The following MDC1 variants were observed in gnomAD, a reference collection of about 807,000 sequenced individuals.
The protein encoded by MDC1 is mediator of DNA damage checkpoint 1.
Under a neutral mutation model 142.5 loss-of-function variants are expected in MDC1, and 81 were observed. The observed-to-expected ratio is 0.57, with a 90% CI of 0.47 to 0.68. The LOEUF (loss-of-function observed/expected upper bound fraction) is 0.68. Ranked by LOEUF, MDC1 falls within the 30% of genes least tolerant of loss-of-function variation. MDC1 has a pLI of 0.00. For missense variants in MDC1, 2,119 were observed against 2,547.9 expected (o/e 0.83, Z 3.62); for synonymous variants, 797 against 968.4 (o/e 0.82, Z 3.29).
At position 30,703,233 on chromosome 6, in the gene MDC1, C is replaced by T; in HGVS notation, c.5736G>A (p.Leu1912=). The T allele has an allele frequency of 6.2e-7, 1 of 1,613,112 alleles. No homozygotes were observed. Among genetic ancestry groups the T allele is most frequent in the Non-Finnish European group, 8.5e-7 (1 of 1,180,020 alleles). ...CCGCTGAACCAGCCAGACTTCCCCC[C>T]AGTGCCAGCACAGCCCGCTCTCCCC... ...DARGERAVLA[L]GGSLAGSAAE... is the part of the protein sequence containing the mutation. Residue 1912 remains leucine, a synonymous_variant, in exon 12 of 15, where the codon CTG becomes CTA. Transcript: ENST00000376406. The surrounding 1 kb of genome is among the most constrained non-coding windows in gnomAD (Gnocchi z 4.4).
chr6:30,703,076 G>A lies in MDC1; in HGVS notation c.5865+28C>T, dbSNP rs902674659. 1.9e-6 allele frequency: 3 copies of A among 1,603,842 alleles called. No individual in the cohort carries two copies. Among genetic ancestry groups the A allele is most frequent in the South Asian group, 2.2e-5 (2 of 90,108 alleles). ...ATATGAGCAGTCTTGCCACTATATCGGTCTGTCATCATCCCTTGGCCTCTC... is the reference window on the plus strand; with the variant it reads ...ATATGAGCAGTCTTGCCACTATATCAGTCTGTCATCATCCCTTGGCCTCTC... On this transcript the variant is annotated intron_variant, in intron 12 of 14. Coordinates refer to ENST00000376406, the MANE Select transcript of MDC1 (RefSeq NM_014641.3). The surrounding 1 kb of genome is among the most constrained non-coding windows in gnomAD (Gnocchi z 4.4).
At position 30,704,375 on chromosome 6, in the gene MDC1, C is replaced by T; in HGVS notation, c.4808G>A (p.Arg1603Lys). The stretch of plus-strand genomic sequence containing the variant: ...TGGCTCAGGGGTCTTGACAGAGGAC[C>T]TATTTGTCCTGCACCTAGTGGCCCG... ...TSRATRCRTN[R>K]SSVKTPEPVV... Residue 1603 changes from arginine (R) to lysine (K), a missense_variant, in exon 10 of 15, where the codon AGG (arginine) becomes AAG (lysine). Transcript: ENST00000376406. 3.7e-6 allele frequency: 6 copies of T among 1,612,282 alleles called. No homozygotes were observed. The highest frequency in any genetic ancestry group is 5.1e-6 in the Non-Finnish European group (6 of 1,179,540).
At chr6:30,711,358 A>G (rs994570628) in intron 7 of MDC1, 54 bp downstream of exon 7, 124 of 1,481,732 alleles carry the variant, frequency 8.4e-5, no homozygotes, top group Non-Finnish European at 1.2e-4. Flanking sequence ...GTGACAGAGG[A>G]AAAAAAAGAG....
In MDC1 at chr6:30,713,805, A is replaced by G; in HGVS notation, c.515T>C (p.Val172Ala). The G allele has an allele frequency of 6.2e-7, 1 of 1,613,616 alleles. No individual in the cohort carries two copies. Among genetic ancestry groups the G allele is most frequent in the Non-Finnish European group, 8.5e-7 (1 of 1,179,762 alleles). ...LLLAEDSEEE[V>A]DFLSERRMVK... ...TCCCTGCCAATATACAAACTTACCT[A>G]CTTCCTCCTCCGAGTCCTCAGCCAA... The change falls in exon 3 of 15, where the codon GTA becomes GCA. Residue 172 changes from valine (V) to alanine (A), a missense_variant and splice_region_variant. Coordinates refer to ENST00000376406, the MANE Select transcript of MDC1 (RefSeq NM_014641.3). This position sits in a 1 kb window ranked among gnomAD's most constrained non-coding sequence, Gnocchi z 4.9.
At chr6:30,700,941 C>T (rs376292550) in intron 14 of MDC1, among the ~76,000 whole-genome samples, 4 of 147,710 alleles carry the variant, frequency 2.7e-5, no homozygotes, top group African/African-American at 7.5e-5. Context: ...GGCGCGCTGA[C>T]GGGTGCCTGT....
Position 30,716,440 on chromosome 6 carries a change from G to A in MDC1, c.-4+805C>T, listed in dbSNP as rs1775680124. Among the ~76,000 whole-genome samples the A allele has an allele frequency of 6.6e-6, 1 of 152,112 alleles. No homozygotes were observed. Among genetic ancestry groups the A allele is most frequent in the Non-Finnish European group, 1.5e-5 (1 of 68,024 alleles). ...GGTTTCACCACGGTCTCGAGCTCCT[G>A]ACCTCAGGTGATCCGCCCACCTTGG... On this transcript the variant is annotated intron_variant, in intron 1 of 14. Coordinates refer to ENST00000376406, the MANE Select transcript of MDC1 (RefSeq NM_014641.3). This position sits in a 1 kb window ranked among gnomAD's most constrained non-coding sequence, Gnocchi z 4.4.
chr6:30,700,765 T>G (rs576809007), intron 14 of MDC1, 133 bp from the exon 15 acceptor site: 6 of 876,716 alleles, frequency 6.8e-6, no homozygotes, highest in Non-Finnish European at 6.9e-6. Flanking sequence ...CACCGCATAC[T>G]GTCTATGAAA....
At chr6:30,706,972 AG>A (rs1367553896) in intron 9 of MDC1, among the ~76,000 whole-genome samples, 4 of 152,174 alleles carry the variant, frequency 2.6e-5, no homozygotes, top group Non-Finnish European at 5.9e-5. Flanking sequence ...GTCTCAAAAA[AG>A]AACAAAAACA....
Position 30,702,615 on chromosome 6 carries a change from T to C in MDC1, c.6040A>G (p.Met2014Val). Residue 2014 changes from methionine to valine, a missense_variant, in exon 14 of 15, where the codon ATG (methionine) becomes GTG (valine). Met to Val is a conservative substitution (Grantham distance 21). Transcript: ENST00000376406. The part of the protein sequence containing the change: ...TPGVQPPPPQ[M>V]GEIISCCGGT... ...CCACAGCAGCTAATAATCTCTCCCATCTGAGGTGGTGGTGGCTGGACTCCA... is the reference window on the plus strand; with the variant it reads ...CCACAGCAGCTAATAATCTCTCCCACCTGAGGTGGTGGTGGCTGGACTCCA... The C allele has an allele frequency of 6.2e-7, 1 of 1,611,450 alleles. No individual in the cohort carries two copies. The highest frequency in any genetic ancestry group is 8.5e-7 in the Non-Finnish European group (1 of 1,179,262).
In MDC1 at chr6:30,712,793, G is replaced by A. The variant is rs972094414; in HGVS notation, c.1149C>T (p.Gly383=). Residue 383 remains glycine (G), a synonymous_variant, in exon 5 of 15, where the codon GGC becomes GGT. Coordinates refer to ENST00000376406, the MANE Select transcript of MDC1 (RefSeq NM_014641.3). This position sits in a 1 kb window ranked among gnomAD's most constrained non-coding sequence, Gnocchi z 4.7. ...QAGSDTDVEE[G]KAPQAVPLEK... Reference sequence around the variant, plus strand: ...CCAGAGGGACAGCCTGTGGGGCCTTGCCTTCTTCCACATCTGTATCACTAC... The same window carrying A: ...CCAGAGGGACAGCCTGTGGGGCCTTACCTTCTTCCACATCTGTATCACTAC... The A allele has an allele frequency of 6.2e-7, 1 of 1,612,930 alleles. No homozygotes were observed. Among genetic ancestry groups the A allele is most frequent in the African/African-American group, 1.3e-5 (1 of 75,038 alleles).
chr6:30,712,663 A>G lies in MDC1; in HGVS notation c.1279T>C (p.Trp427Arg), dbSNP rs1158743779. Residue 427 changes from tryptophan to arginine, a missense_variant, in exon 5 of 15, where the codon TGG becomes CGG. By Grantham distance (101) the Trp-to-Arg change is moderately radical (BLOSUM62 -3). Transcript: ENST00000376406. This position sits in a 1 kb window ranked among gnomAD's most constrained non-coding sequence, Gnocchi z 4.7. ...AHLKESQPAIWNRDAEEDMPQ... is the reference protein window; with the variant it reads ...AHLKESQPAIRNRDAEEDMPQ... ...ATGTCCTCTTCTGCATCTCTGTTCC[A>G]TATAGCAGGCTGGCTCTCTTTCAGA... 2 of 1,612,830 alleles carry G rather than the reference A, an allele frequency of 1.2e-6. No individual in the cohort carries two copies. The highest frequency in any genetic ancestry group is 2.7e-5 in the African/African-American group (2 of 74,894).
In MDC1 at chr6:30,714,089, C is replaced by G; in HGVS notation, c.231G>C (p.Glu77Asp). The change falls in exon 3 of 15, where the codon GAG becomes GAC. Residue 77 changes from glutamate to aspartate, a missense_variant. Coordinates refer to ENST00000376406, the MANE Select transcript of MDC1 (RefSeq NM_014641.3). ...PFPSISKQHA[E>D]IEILAWDKAP... is the part of the protein sequence containing the mutation. Reference sequence around the variant, plus strand: ...CCTTGTCCCAGGCTAAGATTTCAATCTCTGCATGTTGTTTGGAGATAGATG... The same window carrying G: ...CCTTGTCCCAGGCTAAGATTTCAATGTCTGCATGTTGTTTGGAGATAGATG... 6.2e-7 allele frequency: 1 copy of G among 1,612,840 alleles called. No individual in the cohort carries two copies. The highest frequency in any genetic ancestry group is 8.5e-7 in the Non-Finnish European group (1 of 1,180,018).
At chr6:30,711,853 G>A (rs751769799) in intron 5 of MDC1, 21 bp downstream of exon 5, 1 of 1,537,498 alleles carries the variant, frequency 6.5e-7, no homozygotes, top group South Asian at 1.3e-5. Context: ...CAGAGGTCTA[G>A]GAAGGAAGGC....
At position 30,705,785 on chromosome 6, in the gene MDC1, G is replaced by A. The variant is rs1207924789; in HGVS notation, c.3398C>T (p.Thr1133Ile). The A allele has an allele frequency of 1.2e-6, 2 of 1,613,100 alleles. No individual in the cohort carries two copies. Among genetic ancestry groups the A allele is most frequent in the African/African-American group, 1.3e-5 (1 of 74,860 alleles). The change falls in exon 10 of 15, where the codon ACA becomes ATA. Residue 1133 changes from threonine (T) to isoleucine (I), a missense_variant. Transcript: ENST00000376406. ...AAPEPHPSTS[T>I]AQPVTPKPTS... ...GGGCTTGGGAGTGACTGGCTGGGCTGTGGAGGTGGAAGGGTGGGGCTCAGG... is the reference window on the plus strand; with the variant it reads ...GGGCTTGGGAGTGACTGGCTGGGCTATGGAGGTGGAAGGGTGGGGCTCAGG...
chr6:30,703,113 C>T lies in MDC1; in HGVS notation c.5856G>A (p.Trp1952Ter). The T allele has an allele frequency of 6.2e-7, 1 of 1,612,410 alleles. No homozygotes were observed. Among genetic ancestry groups the T allele is most frequent in the Non-Finnish European group, 8.5e-7 (1 of 1,179,560 alleles). Reference sequence around the variant, plus strand: ...TCCCTTGGCCTCTCACCTGATGCAGCCAGTCCAGGGACAGAATGGGGATTC... The same window carrying T: ...TCCCTTGGCCTCTCACCTGATGCAGTCAGTCCAGGGACAGAATGGGGATTC... ...GRGIPILSLDWLHQSRKAGFF... is the reference protein window; with the variant it reads ...GRGIPILSLD The change falls in exon 12 of 15, where the codon TGG (tryptophan) becomes TGA (stop). Residue 1952 changes from tryptophan (W) to a stop codon, truncating the protein, a stop_gained. Coordinates refer to ENST00000376406, the MANE Select transcript of MDC1 (RefSeq NM_014641.3). LOFTEE classifies it high-confidence loss of function. The surrounding 1 kb of genome is among the most constrained non-coding windows in gnomAD (Gnocchi z 4.4).
chr6:30,704,674 G>A lies in MDC1; in HGVS notation c.4509C>T (p.Asp1503=). 1 of 1,609,834 alleles carries A rather than the reference G, an allele frequency of 6.2e-7. No individual in the cohort carries two copies. ...ATGTGGGCTCAGAGGTGACAGGCTG[G>A]TCTGTGGAGGCGGAAGCCTGTAGCT... The part of the protein sequence containing the change: ...APELQASAST[D]QPVTSEPTSR... Residue 1503 remains aspartate, a synonymous_variant, in exon 10 of 15, where the codon GAC becomes GAT. Coordinates refer to ENST00000376406, the MANE Select transcript of MDC1 (RefSeq NM_014641.3).
chr6:30,707,937 G>A lies in MDC1; in HGVS notation c.2642C>T (p.Ala881Val). The A allele has an allele frequency of 1.2e-6, 2 of 1,613,024 alleles. No homozygotes were observed. Among genetic ancestry groups the A allele is most frequent in the Non-Finnish European group, 1.7e-6 (2 of 1,180,020 alleles). Residue 881 changes from alanine (A) to valine (V), a missense_variant, in exon 8 of 15, where the codon GCA (alanine) becomes GTA (valine). Transcript: ENST00000376406. ...ACTCTCCCTATCTCTTTCAGGACTT[G>A]CACTTTCCCCATTTTTGTCAGATTC... ...RQESDKNGESASPERDRESLK... is the reference protein window; with the variant it reads ...RQESDKNGESVSPERDRESLK...
In MDC1 at chr6:30,709,799, T is replaced by C. The variant is rs1774543519; in HGVS notation, c.2222-1442A>G. On this transcript the variant is annotated intron_variant, in intron 7 of 14. Transcript: ENST00000376406. The surrounding 1 kb of genome is among the most constrained non-coding windows in gnomAD (Gnocchi z 4.2). Reference sequence around the variant, plus strand: ...CTGACTTATTTCACTTAACATAATGTCCTCAGGGTTCATCCATGTTGCTGC... The same window carrying C: ...CTGACTTATTTCACTTAACATAATGCCCTCAGGGTTCATCCATGTTGCTGC... 6.6e-6 allele frequency among the ~76,000 whole-genome samples: 1 copy of C among 152,230 alleles called. No individual in the cohort carries two copies. The highest frequency in any genetic ancestry group is 2.4e-5 in the African/African-American group (1 of 41,466).
Position 30,704,160 on chromosome 6 carries a change from T to A in MDC1, c.5023A>T (p.Ile1675Leu). Residue 1675 changes from isoleucine (I) to leucine (L), a missense_variant, in exon 10 of 15, where the codon ATA becomes TTA. Coordinates refer to ENST00000376406, the MANE Select transcript of MDC1 (RefSeq NM_014641.3). ...PTDQSVTPEAIAQGGQSKTLR... is the reference protein window; with the variant it reads ...PTDQSVTPEALAQGGQSKTLR... ...GTTTTGCTCTGACCACCCTGAGCTA[T>A]GGCCTCAGGGGTGACGGACTGGTCT... 1 of 1,613,746 alleles carries A rather than the reference T, an allele frequency of 6.2e-7. No homozygotes were observed.
Sources: allele counts gnomAD v4.1 joint callset (sites outside exome capture counted in the v4.1 genomes callset), GRCh38; gene constraint gnomAD v4.1.1; non-coding constraint Gnocchi (gnomAD v3.1); transcripts MANE v1.5; gene names NCBI Gene and HGNC (gene_info 2026-07-23, HGNC 2026-07-21).